The following SCUBE1 variants were observed in gnomAD, a reference collection of about 807,000 sequenced individuals.
SCUBE1 encodes signal peptide, CUB domain and EGF like domain containing 1, also known as signal peptide, CUB and EGF-like domain-containing protein 1.
SCUBE1 carries 59 observed loss-of-function variants against 124.4 expected under a neutral mutation model. That is an observed-to-expected ratio of 0.47 (90% CI 0.38 to 0.59). SCUBE1 has a LOEUF of 0.59. Ranked by LOEUF, SCUBE1 falls within the 20% of genes least tolerant of loss-of-function variation. The pLI is 0.00. For missense variants in SCUBE1, 1,150 were observed against 1,371.2 expected (o/e 0.84, Z 2.55); for synonymous variants, 545 against 550.9 (o/e 0.99, Z 0.15).
At chr22:43,233,745 C>T (rs1569503170) in intron 7 of SCUBE1, 1 of 152,276 alleles carries the variant, frequency 6.6e-6, no homozygotes, top group African/African-American at 2.4e-5. Context: ...TCAAACCAAA[C>T]AGGCTGGACT....
chr22:43,336,433 C>T (rs1927082651), intron 2 of SCUBE1, among the ~76,000 whole-genome samples: 1 of 152,202 alleles, frequency 6.6e-6, no homozygotes, highest in African/African-American at 2.4e-5. Flanking sequence ...AAAGGAGAGC[C>T]AACTCAGACT....
chr22:43,342,570 A>C, intron 1 of SCUBE1, among the ~76,000 whole-genome samples: 1 of 140,010 alleles, frequency 7.1e-6, no homozygotes, highest in African/African-American at 2.7e-5. Flanking sequence ...TCTCTCCCTT[A>C]TCATCGGTGG....
chr22:43,219,855 G>A (rs1318813233), intron 14 of SCUBE1, among the ~76,000 whole-genome samples: 4 of 152,026 alleles, frequency 2.6e-5, no homozygotes, highest in East Asian at 3.9e-4. Context: ...CCCCACCACC[G>A]AGAGTCCCAC....
intron 3 of SCUBE1, among the ~76,000 whole-genome samples, chr22:43,298,983 C>T (rs1422127888): frequency 1.3e-5 from 2 of 149,690 alleles, no homozygotes; most frequent in African/African-American, 2.5e-5. Context: ...ACCCGGGAGG[C>T]GGAGCTTGCA....
chr22:43,319,250 A>G (rs1926455689), intron 3 of SCUBE1, among the ~76,000 whole-genome samples: 1 of 152,130 alleles, frequency 6.6e-6, no homozygotes, highest in African/African-American at 2.4e-5. Context: ...CTGTGTCCTT[A>G]TAAGAAGAGA....
In SCUBE1 at chr22:43,222,707, G is replaced by A. The variant is rs1381712927; in HGVS notation, c.1363C>T (p.Pro455Ser). The change falls in exon 12 of 22, where the codon CCA becomes TCA. Residue 455 changes from proline to serine, a missense_variant. By Grantham distance (74) the Pro-to-Ser change is moderately conservative. This residue lies in a region of SCUBE1 where 757 missense variants were observed against 840.9 expected (regional missense o/e 0.90). Coordinates refer to ENST00000360835, the MANE Select transcript of SCUBE1 (RefSeq NM_173050.5). Reference sequence around the variant, plus strand: ...TGCAGCGCCTTGCCCTGCGGCCCTGGAACTCCGCAGCTCAGGACGTAGCTA... The same window carrying A: ...TGCAGCGCCTTGCCCTGCGGCCCTGAAACTCCGCAGCTCAGGACGTAGCTA... Reference protein sequence around the residue: ...ENSYVLSCGVPGPQGKALQKR... With the variant: ...ENSYVLSCGVSGPQGKALQKR... The A allele has an allele frequency of 2.5e-6, 4 of 1,606,478 alleles. No homozygotes were observed. Among genetic ancestry groups the A allele is most frequent in the Non-Finnish European group, 3.4e-6 (4 of 1,176,832 alleles).
chr22:43,235,783 A>G (rs548864112), intron 7 of SCUBE1, among the ~76,000 whole-genome samples: 195 of 152,236 alleles, frequency 1.3e-3, no homozygotes, highest in African/African-American at 4.4e-3. Flanking sequence ...GCAGTCCTGC[A>G]TCCTTATTCT....
At chr22:43,337,483 G>A (rs948436545) in intron 2 of SCUBE1, among the ~76,000 whole-genome samples, 1 of 152,196 alleles carries the variant, frequency 6.6e-6, no homozygotes, top group African/African-American at 2.4e-5. Context: ...TGTACCACTC[G>A]AACCAGCGAG....
chr22:43,314,046 G>A (rs1214128279), intron 3 of SCUBE1, among the ~76,000 whole-genome samples: 1 of 152,114 alleles, frequency 6.6e-6, no homozygotes, highest in South Asian at 2.1e-4. Flanking sequence ...AGGTGCGAAC[G>A]GGCCTAACTA....
At chr22:43,300,200 T>C (rs913883811) in intron 3 of SCUBE1, among the ~76,000 whole-genome samples, 1 of 152,146 alleles carries the variant, frequency 6.6e-6, no homozygotes. Context: ...AGGAAATGAC[T>C]GTTTACCACG....
chr22:43,342,623 C>T (rs944388720), intron 1 of SCUBE1, among the ~76,000 whole-genome samples: 13 of 152,050 alleles, frequency 8.5e-5, no homozygotes, highest in African/African-American at 3.1e-4. Flanking sequence ...GCCTCCTCCT[C>T]CTTCCCCGGG....
intron 2 of SCUBE1, among the ~76,000 whole-genome samples, chr22:43,327,702 A>G (rs897652939): frequency 6.6e-6 from 1 of 152,014 alleles, no homozygotes; most frequent in African/African-American, 2.4e-5. Context: ...CAGAAGAATC[A>G]CTTGAACCCG....
chr22:43,209,993 G>C, intron 19 of SCUBE1, 50 bp downstream of exon 19: 1 of 1,530,314 alleles, frequency 6.5e-7, no homozygotes, highest in South Asian at 1.2e-5. Context: ...GCGAGACGGG[G>C]GTGCACACGC....
At chr22:43,252,650 G>GA (rs1923498832) in intron 6 of SCUBE1, among the ~76,000 whole-genome samples, 1 of 152,158 alleles carries the variant, frequency 6.6e-6, no homozygotes, top group African/African-American at 2.4e-5. Context: ...CTACTGGGAC[G>GA]AACTGCCCGT....
intron 4 of SCUBE1, among the ~76,000 whole-genome samples, chr22:43,264,117 GA>G (rs1923975846): frequency 6.6e-6 from 1 of 152,222 alleles, no homozygotes; most frequent in African/African-American, 2.4e-5. Context: ...GCCAAGGGTA[GA>G]GCTGGGAACA....
At chr22:43,276,745 A>C (rs912216976) in intron 4 of SCUBE1, among the ~76,000 whole-genome samples, 3 of 152,118 alleles carry the variant, frequency 2.0e-5, no homozygotes, top group African/African-American at 7.2e-5. Flanking sequence ...ACTGGTCTGG[A>C]GCCTAGGGGC....
At chr22:43,225,160 C>G (rs1922251897) in intron 10 of SCUBE1, among the ~76,000 whole-genome samples, 1 of 152,108 alleles carries the variant, frequency 6.6e-6, no homozygotes, top group Non-Finnish European at 1.5e-5. Flanking sequence ...CTCTGCCCAG[C>G]TCCATCTTCA....
At chr22:43,333,956 G>A (rs765489552) in intron 2 of SCUBE1, among the ~76,000 whole-genome samples, 1 of 152,232 alleles carries the variant, frequency 6.6e-6, no homozygotes. Context: ...GAACTGGGGA[G>A]AATGTGGCAG....
intron 21 of SCUBE1, 118 bp downstream of exon 21, chr22:43,207,416 C>T: frequency 1.3e-6 from 1 of 774,396 alleles, no homozygotes; most frequent in South Asian, 1.5e-5. Flanking sequence ...GCTCCTCTCC[C>T]ATCACCACCC....
Sources: gnomAD v4.1 joint callset for allele counts (sites outside exome capture counted in the v4.1 genomes callset) on GRCh38, gnomAD v4.1.1 for gene constraint, gnomAD v4.1.1 regional missense constraint, MANE v1.5 for transcripts, NCBI Gene and HGNC (gene_info 2026-07-23, HGNC 2026-07-21) for gene names.